The following F2 variants were observed in gnomAD, a reference collection of about 807,000 sequenced individuals.
F2 encodes prothrombin.
In F2, 34 loss-of-function variants were observed where a neutral mutation model predicts 81.9. That is an observed-to-expected ratio of 0.42 (90% confidence interval 0.32 to 0.55). F2 has a LOEUF of 0.55. Ranked by LOEUF, F2 falls within the 20% of genes least tolerant of loss-of-function variation. The pLI is 0.18. For missense variants in F2, 630 were observed against 833.4 expected (o/e 0.76, Z 3.00); for synonymous variants, 296 against 326.4 (o/e 0.91, Z 1.01).
Position 46,723,176 on chromosome 11 carries a change from G to C in F2, c.317-4G>C. 6.2e-7 allele frequency: 1 copy of C among 1,613,724 alleles called. No homozygotes were observed. The highest frequency in any genetic ancestry group is 8.5e-7 in the Non-Finnish European group (1 of 1,179,856). On this transcript the variant is annotated splice_polypyrimidine_tract_variant and splice_region_variant and intron_variant, in intron 4 of 13. Coordinates refer to ENST00000311907, the MANE Select transcript of F2 (RefSeq NM_000506.5). The surrounding 1 kb of genome is among the most constrained non-coding windows in gnomAD (Gnocchi z 5.6). ...CAAGGCTGACCGGGGTGGGGTCTCCGCAGGTAACTGTGCTGAGGGTCTGGG... is the reference window on the plus strand; with the variant it reads ...CAAGGCTGACCGGGGTGGGGTCTCCCCAGGTAACTGTGCTGAGGGTCTGGG...
chr11:46,739,044 C>G lies in F2; in HGVS notation c.1655-4C>G, dbSNP rs747956103. The G allele has an allele frequency of 1.2e-6, 2 of 1,613,694 alleles. No individual in the cohort carries two copies. Among genetic ancestry groups the G allele is most frequent in the South Asian group, 2.2e-5 (2 of 91,076 alleles). On this transcript the variant is annotated splice_polypyrimidine_tract_variant and splice_region_variant and intron_variant, in intron 12 of 13. Transcript: ENST00000311907. Reference sequence around the variant, plus strand: ...CTGAGCACAGACGGCTGTTCTCTTTCAAGGTTACAAGCCTGATGAAGGGAA... The same window carrying G: ...CTGAGCACAGACGGCTGTTCTCTTTGAAGGTTACAAGCCTGATGAAGGGAA...
intron 12 of F2, among the ~76,000 whole-genome samples, chr11:46,736,258 A>T (rs1302398582): frequency 1.3e-5 from 2 of 152,154 alleles, no homozygotes; most frequent in Non-Finnish European, 2.9e-5. Flanking sequence ...TTTCACCTTT[A>T]TCACATTCTA....
rs1360495418 is a variant in F2, at chr11:46,739,394, C to T, written c.1855C>T (p.Gln619Ter). 6.2e-7 allele frequency: 1 copy of T among 1,613,962 alleles called. No individual in the cohort carries two copies. Among genetic ancestry groups the T allele is most frequent in the African/African-American group, 1.3e-5 (1 of 74,898 alleles). Residue 619 changes from glutamine (Q) to a stop codon, truncating the protein, a stop_gained, in exon 14 of 14, where the codon CAG (glutamine) becomes TAG (stop). Coordinates refer to ENST00000311907, the MANE Select transcript of F2 (RefSeq NM_000506.5). LOFTEE classifies it high-confidence loss of function. ...LKKWIQKVID[Q>*]FGE ...GAAGTGGATACAGAAGGTCATTGAT[C>T]AGTTTGGAGAGTAGGGGGCCACTCA... is the stretch of plus-strand genomic sequence containing the variant.
intron 6 of F2, among the ~76,000 whole-genome samples, chr11:46,724,132 C>T (rs3136455): frequency 0.04 from 6,103 of 152,260 alleles, 411 homozygotes; most frequent in African/African-American, 0.14. Flanking sequence ...CCATTTCAGT[C>T]CACACACCCT....
In F2 at chr11:46,726,120, G is replaced by A; in HGVS notation, c.821G>A (p.Cys274Tyr). 6.2e-7 allele frequency: 1 copy of A among 1,614,176 alleles called. No homozygotes were observed. Among genetic ancestry groups the A allele is most frequent in the South Asian group, 1.1e-5 (1 of 91,092 alleles). The part of the protein sequence containing the change: ...NPDGDEEGVW[C>Y]YVAGKPGDFG... ...GACGGGGATGAGGAGGGCGTGTGGT[G>A]CTATGTGGCCGGGAAGCCTGGCGAC... Residue 274 changes from cysteine (C) to tyrosine (Y), a missense_variant, in exon 7 of 14, where the codon TGC (cysteine) becomes TAC (tyrosine). Coordinates refer to ENST00000311907, the MANE Select transcript of F2 (RefSeq NM_000506.5). The surrounding 1 kb of genome is among the most constrained non-coding windows in gnomAD (Gnocchi z 5.9).
intron 12 of F2, among the ~76,000 whole-genome samples, chr11:46,735,560 C>A (rs1166679617): frequency 2.6e-5 from 4 of 151,960 alleles, no homozygotes; most frequent in African/African-American, 9.7e-5. Context: ...GAGTTCAATA[C>A]TGCAGTGAGC....
intron 6 of F2, 138 bp from the exon 7 acceptor site, chr11:46,725,721 C>T (rs987452107): frequency 4.3e-5 from 42 of 980,336 alleles, no homozygotes; most frequent in East Asian, 2.9e-4. Context: ...TAAAGGCAAA[C>T]GGTCAGAAGC....
intron 12 of F2, among the ~76,000 whole-genome samples, chr11:46,734,430 A>AT (rs1209162779): frequency 6.6e-6 from 1 of 151,716 alleles, no homozygotes; most frequent in East Asian, 1.9e-4. Flanking sequence ...CTCATGTATA[A>AT]TTTTTCTGGC....
intron 2 of F2, chr11:46,720,078 A>C: frequency 1.5e-6 from 1 of 655,256 alleles, no homozygotes; most frequent in Non-Finnish European, 2.6e-6. Flanking sequence ...GCTCCATGAC[A>C]TGGGGAGGCC....
rs61485396 is a variant in F2, at chr11:46,728,983, GT to G, written c.1472+150del. The G allele has an allele frequency of 0.026, 18,326 of 694,942 alleles. 2,531 individuals are homozygous for G. The African/African-American group carries it at 0.3, about 11-fold the overall frequency. 43.0% of individuals were successfully genotyped at this position (694,942 alleles called of 1,614,324 possible). A position where few individuals can be genotyped will look rare whatever the true frequency, so the allele number is the denominator to read the frequency against. ...CCCAAAAGTTCTTTTCAGTACTGGC[GT>G]TTTATTTTTTATTTATATTTATTTA... is the stretch of plus-strand genomic sequence containing the variant. On this transcript the variant is annotated intron_variant, in intron 11 of 13. Coordinates refer to ENST00000311907, the MANE Select transcript of F2 (RefSeq NM_000506.5). The surrounding 1 kb of genome is among the most constrained non-coding windows in gnomAD (Gnocchi z 5.1).
chr11:46,719,850 C>T lies in F2; in HGVS notation c.228C>T (p.Ser76=), dbSNP rs772878615. 6.4e-7 allele frequency: 1 copy of T among 1,570,150 alleles called. No individual in the cohort carries two copies. The highest frequency in any genetic ancestry group is 8.6e-7 in the Non-Finnish European group (1 of 1,158,632). ...SYEEAFEALE[S]STATDVFWAK... ...AGGAGGCCTTCGAGGCTCTGGAGTC[C>T]TCCACGGCTACGGTGAGCCTGGGCT... Residue 76 remains serine, a synonymous_variant, in exon 2 of 14, where the codon TCC becomes TCT. Coordinates refer to ENST00000311907, the MANE Select transcript of F2 (RefSeq NM_000506.5). This position sits in a 1 kb window ranked among gnomAD's most constrained non-coding sequence, Gnocchi z 4.7.
chr11:46,727,315 C>T (rs557724307), intron 9 of F2, among the ~76,000 whole-genome samples: 5 of 152,324 alleles, frequency 3.3e-5, no homozygotes, highest in Admixed American at 2.6e-4. Context: ...AGCCACCACA[C>T]CCGGCCCATG....
intron 12 of F2, among the ~76,000 whole-genome samples, chr11:46,734,002 G>A (rs979324124): frequency 1.3e-5 from 2 of 151,784 alleles, no homozygotes; most frequent in African/African-American, 4.8e-5. Context: ...TGGCCAGGCT[G>A]GTCTCGAACT....
rs771813897 is a variant in F2 at position 46,720,845 on chromosome 11, G to A, written c.316+5G>A. On this transcript the variant is annotated splice_donor_5th_base_variant and intron_variant, in intron 4 of 13. Coordinates refer to ENST00000311907, the MANE Select transcript of F2 (RefSeq NM_000506.5). The stretch of plus-strand genomic sequence containing the variant: ...AGCTTGCTGCATGTCTGGAAGGTGA[G>A]CAACTGACACGGGTTTGGGGAGCAG... 6.2e-7 allele frequency: 1 copy of A among 1,613,548 alleles called. No homozygotes were observed.
Position 46,739,097 on chromosome 11 carries a change from T to C in F2, c.1704T>C (p.Ser568=), listed in dbSNP as rs1223075688. Residue 568 remains serine (S), a synonymous_variant, in exon 13 of 14, where the codon AGT becomes AGC. Transcript: ENST00000311907. ...GKRGDACEGD[S]GGPFVMKSPF... The stretch of plus-strand genomic sequence containing the variant: ...GAGGGGATGCCTGTGAAGGTGACAG[T>C]GGGGGACCCTTTGTCATGAAGGTAA... 1 of 1,614,090 alleles carries C rather than the reference T, an allele frequency of 6.2e-7. No individual in the cohort carries two copies. The highest frequency in any genetic ancestry group is 8.5e-7 in the Non-Finnish European group (1 of 1,179,998).
intron 12 of F2, among the ~76,000 whole-genome samples, chr11:46,738,724 G>A (rs2064959405): frequency 6.6e-6 from 1 of 152,228 alleles, no homozygotes; most frequent in Admixed American, 6.5e-5. Context: ...GCTTGGGCAT[G>A]AGCCACCTCC....
chr11:46,727,867 G>T, intron 9 of F2, 129 bp from the exon 10 acceptor site: 4 of 1,068,008 alleles, frequency 3.7e-6, no homozygotes, highest in Non-Finnish European at 5.4e-6. Flanking sequence ...GCCAGCCCAA[G>T]CTTGGATCTG....
rs2134532800 is a variant in F2, at chr11:46,726,585, A to C, written c.962A>C (p.Gln321Pro). ...IEGRTATSEYQTFFNPRTFGS... is the reference protein window; with the variant it reads ...IEGRTATSEYPTFFNPRTFGS... ...GGGCGTACCGCCACCAGTGAGTACC[A>C]GACTTTCTTCAATCCGAGGACCTTT... Residue 321 changes from glutamine (Q) to proline (P), a missense_variant, in exon 8 of 14, where the codon CAG (glutamine) becomes CCG (proline). Coordinates refer to ENST00000311907, the MANE Select transcript of F2 (RefSeq NM_000506.5). This position sits in a 1 kb window ranked among gnomAD's most constrained non-coding sequence, Gnocchi z 5.9. The C allele has an allele frequency of 6.2e-7, 1 of 1,614,162 alleles. No homozygotes were observed. The highest frequency in any genetic ancestry group is 1.3e-5 in the African/African-American group (1 of 75,048).
At chr11:46,722,015 TG>T (rs1267884022) in intron 4 of F2, among the ~76,000 whole-genome samples, 1 of 152,180 alleles carries the variant, frequency 6.6e-6, no homozygotes, top group African/African-American at 2.4e-5. Flanking sequence ...GCTAATTTTT[TG>T]TATTTTTTAG....
Sources: gnomAD v4.1 joint callset for allele counts (sites outside exome capture counted in the v4.1 genomes callset) on GRCh38, gnomAD v4.1.1 for gene constraint, Gnocchi (gnomAD v3.1) non-coding constraint, MANE v1.5 for transcripts, NCBI Gene and HGNC (gene_info 2026-07-23, HGNC 2026-07-21) for gene names.